RASGEF1C: variants seen among roughly 807,000 people sequenced by gnomAD.
RASGEF1C encodes the protein RasGEF domain family member 1C.
In RASGEF1C, 27 loss-of-function variants were observed where a neutral mutation model predicts 58.1. That is an observed-to-expected ratio of 0.46 (90% CI 0.34 to 0.64). RASGEF1C has a LOEUF of 0.64. Ranked by LOEUF, RASGEF1C falls within the 30% of genes least tolerant of loss-of-function variation. The pLI is 0.01. For missense variants in RASGEF1C, 502 were observed against 605.1 expected (o/e 0.83, Z 1.79); for synonymous variants, 243 against 246.3 (o/e 0.99, Z 0.13).
chr5:180,149,875 A>T (rs1466011749), intron 1 of RASGEF1C, among the ~76,000 whole-genome samples: 1 of 152,122 alleles, frequency 6.6e-6, no homozygotes, highest in African/African-American at 2.4e-5. Context: ...AGTTTATCCT[A>T]CTTGGTTCAC....
intron 1 of RASGEF1C, among the ~76,000 whole-genome samples, chr5:180,149,678 T>C (rs1766715335): frequency 6.6e-6 from 1 of 152,114 alleles, no homozygotes; most frequent in Non-Finnish European, 1.5e-5. Flanking sequence ...ATGGTCTCCA[T>C]CTCTTGACCT....
At chr5:180,105,802 A>G (rs1220786252) in intron 12 of RASGEF1C, among the ~76,000 whole-genome samples, 1 of 152,032 alleles carries the variant, frequency 6.6e-6, no homozygotes, top group Non-Finnish European at 1.5e-5. Context: ...TGGGAGGCAG[A>G]GGCTGCAGTG....
intron 1 of RASGEF1C, among the ~76,000 whole-genome samples, chr5:180,152,620 G>A (rs1002627581): frequency 6.7e-5 from 10 of 148,904 alleles, no homozygotes; most frequent in Non-Finnish European, 8.9e-5. Flanking sequence ...GTTAAATGAC[G>A]AGTTAATGGG....
chr5:180,103,288 A>T (rs972381377), intron 12 of RASGEF1C, among the ~76,000 whole-genome samples: 1 of 152,194 alleles, frequency 6.6e-6, no homozygotes, highest in Non-Finnish European at 1.5e-5. Flanking sequence ...CGTGTTAGCC[A>T]GGATGGTCTC....
intron 1 of RASGEF1C, among the ~76,000 whole-genome samples, chr5:180,154,103 A>AG (rs964833827): frequency 2.6e-4 from 39 of 152,156 alleles, no homozygotes; most frequent in African/African-American, 8.9e-4. Context: ...CTCTCTGTGA[A>AG]GGGCGCCCAG....
rs761257946 is a variant in RASGEF1C, at chr5:180,119,429, C to A, written c.824G>T (p.Arg275Met). Residue 275 changes from arginine to methionine, a missense_variant, in exon 8 of 14, where the codon AGG becomes ATG. Transcript: ENST00000361132. The stretch of plus-strand genomic sequence containing the variant: ...GATGAAGAACTCAATCACCTGGGCC[C>A]TCTGCTTCTTCTTGGCTGGCTGGGG... ...EICMPAKKKQRAQVIEFFIDV... is the reference protein window; with the variant it reads ...EICMPAKKKQMAQVIEFFIDV... 6.2e-7 allele frequency: 1 copy of A among 1,614,050 alleles called. No individual in the cohort carries two copies. Among genetic ancestry groups the A allele is most frequent in the South Asian group, 1.1e-5 (1 of 91,088 alleles).
chr5:180,111,518 G>A lies in RASGEF1C; in HGVS notation c.1242C>T (p.Pro414=). 1 of 1,614,216 alleles carries A rather than the reference G, an allele frequency of 6.2e-7. No homozygotes were observed. Among genetic ancestry groups the A allele is most frequent in the South Asian group, 1.1e-5 (1 of 91,084 alleles). ...EFITWKQVEC[P]FEQDASITHY... is the part of the protein sequence containing the mutation. ...GGGTGATGCTGGCGTCTTGCTCGAAGGGACACTCCACTTGTTTCCAGGTGA... is the reference window on the plus strand; with the variant it reads ...GGGTGATGCTGGCGTCTTGCTCGAAAGGACACTCCACTTGTTTCCAGGTGA... The change falls in exon 12 of 14, where the codon CCC becomes CCT. Residue 414 remains proline (P), a synonymous_variant. Coordinates refer to ENST00000361132, the MANE Select transcript of RASGEF1C (RefSeq NM_175062.4).
At chr5:180,190,689 A>G (rs1756148996) in intron 1 of RASGEF1C, among the ~76,000 whole-genome samples, 1 of 151,590 alleles carries the variant, frequency 6.6e-6, no homozygotes, top group African/African-American at 2.4e-5. Flanking sequence ...TAATAATAAA[A>G]ATTTTAAAAA....
intron 3 of RASGEF1C, chr5:180,136,867 G>C (rs867088976): frequency 7.5e-6 from 2 of 267,530 alleles, no homozygotes; most frequent in Middle Eastern, 1.2e-3. Flanking sequence ...ATACGCCATC[G>C]TGCACAGTGA....
At position 180,113,059 on chromosome 5, in the gene RASGEF1C, C is replaced by G. The variant is rs112722244; in HGVS notation, c.1179+1387G>C. Among the ~76,000 whole-genome samples the G allele has an allele frequency of 2.1e-3, 64 of 30,112 alleles. 2 individuals carry two copies. Among genetic ancestry groups the G allele is most frequent in the Non-Finnish European group, 3.0e-3 (40 of 13,278 alleles). 19.8% of individuals were successfully genotyped at this position (30,112 alleles called of 152,430 possible). A position where few individuals can be genotyped will look rare whatever the true frequency, so the allele number is the denominator to read the frequency against. Reference sequence around the variant, plus strand: ...GGGACCGGGGATGGACGGAGGGATCCGGGCTGGACGGAGGGACCGGGGATG... The same window carrying G: ...GGGACCGGGGATGGACGGAGGGATCGGGGCTGGACGGAGGGACCGGGGATG... On this transcript the variant is annotated intron_variant, in intron 11 of 13. Transcript: ENST00000361132.
intron 1 of RASGEF1C, among the ~76,000 whole-genome samples, chr5:180,169,788 C>A (rs1390995968): frequency 1.4e-5 from 2 of 140,706 alleles, no homozygotes; most frequent in Non-Finnish European, 3.2e-5. Flanking sequence ...AGCACCCACC[C>A]CCCGACCCCA....
chr5:180,182,204 C>CAAAAAAAAA (rs1156831010), intron 1 of RASGEF1C, among the ~76,000 whole-genome samples: 9 of 22,766 alleles, frequency 4.0e-4, no homozygotes, highest in Admixed American at 7.6e-4. Context: ...GACTCCGTCT[C>CAAAAAAAAA]AAAAAAAAAA....
At chr5:180,203,051 A>T (rs1756424526) in intron 1 of RASGEF1C, among the ~76,000 whole-genome samples, 1 of 152,196 alleles carries the variant, frequency 6.6e-6, no homozygotes, top group South Asian at 2.1e-4. Flanking sequence ...AGCTTTGTCC[A>T]GTCAAAGGGT....
chr5:180,118,517 C>T, intron 10 of RASGEF1C, 92 bp downstream of exon 10: 6 of 1,182,138 alleles, frequency 5.1e-6, no homozygotes, highest in Non-Finnish European at 7.2e-6. Context: ...ATTACTGATG[C>T]TGCAGGGGGC....
At chr5:180,191,446 T>C (rs1462563492) in intron 1 of RASGEF1C, among the ~76,000 whole-genome samples, 1 of 152,104 alleles carries the variant, frequency 6.6e-6, no homozygotes, top group South Asian at 2.1e-4. Context: ...AAGCTCCGCC[T>C]CCCGGGTTCA....
chr5:180,208,736 G>A (rs1056409663), intron 1 of RASGEF1C, among the ~76,000 whole-genome samples: 1 of 152,132 alleles, frequency 6.6e-6, no homozygotes, highest in African/African-American at 2.4e-5. Flanking sequence ...TCTAGCGGCT[G>A]AAAGAAGCTT....
At chr5:180,191,904 G>C (rs1756170516) in intron 1 of RASGEF1C, among the ~76,000 whole-genome samples, 1 of 152,170 alleles carries the variant, frequency 6.6e-6, no homozygotes, top group Non-Finnish European at 1.5e-5. Context: ...TCTCATCCTA[G>C]CCTGGGCATC....
chr5:180,152,892 C>G (rs947233428), intron 1 of RASGEF1C, among the ~76,000 whole-genome samples: 1 of 90,952 alleles, frequency 1.1e-5, no homozygotes, highest in African/African-American at 4.7e-5. Flanking sequence ...GCCTGGGCAA[C>G]AAGAGCAAAA....
intron 1 of RASGEF1C, among the ~76,000 whole-genome samples, chr5:180,165,515 C>T (rs1767006625): frequency 6.6e-6 from 1 of 151,542 alleles, no homozygotes; most frequent in Non-Finnish European, 1.5e-5. Context: ...ACTACAAATA[C>T]AAAAAATTAG....
Sources: allele counts gnomAD v4.1 joint callset (sites outside exome capture counted in the v4.1 genomes callset), GRCh38; gene constraint gnomAD v4.1.1; transcripts MANE v1.5; gene names NCBI Gene and HGNC (gene_info 2026-07-23, HGNC 2026-07-21).